LPA: variants seen among roughly 807,000 people sequenced by gnomAD.
The protein encoded by LPA is lipoprotein(a).
In LPA, 199 loss-of-function variants were observed where a neutral mutation model predicts 197.9. That is an observed-to-expected ratio of 1.01 (90% confidence interval 0.90 to 1.13). The LOEUF (loss-of-function observed/expected upper bound fraction) is 1.13. LPA is among the 50% of genes most tolerant of loss of function. The pLI is 0.00. For missense variants in LPA, 1,853 were observed against 1,785.8 expected (o/e 1.04, Z -0.68); for synonymous variants, 715 against 639.5 (o/e 1.12, Z -1.78).
intron 35 of LPA, 22 bp from the exon 36 acceptor site, chr6:160,540,205 A>G (rs769499531): frequency 1.2e-6 from 2 of 1,614,014 alleles, no homozygotes; most frequent in Non-Finnish European, 1.7e-6. Flanking sequence ...GAGGATGTCA[A>G]GAGAAAAATA....
intron 31 of LPA, among the ~76,000 whole-genome samples, chr6:160,548,242 G>T (rs1208038561): frequency 1.3e-5 from 2 of 152,134 alleles, no homozygotes; most frequent in East Asian, 1.9e-4. Context: ...CACCCTGGAG[G>T]TTTTGCGCCA....
intron 27 of LPA, 23 bp downstream of exon 27, chr6:160,578,500 A>C: frequency 6.2e-7 from 1 of 1,613,424 alleles, no homozygotes; most frequent in Non-Finnish European, 8.5e-7. Flanking sequence ...CAGTATATAG[A>C]TGTCTAACCA....
At chr6:160,546,210 G>A (rs2115002351) in intron 32 of LPA, among the ~76,000 whole-genome samples, 1 of 152,278 alleles carries the variant, frequency 6.6e-6, no homozygotes, top group East Asian at 1.9e-4. Flanking sequence ...CCAACCTCCA[G>A]GGAGGGAAGA....
intron 26 of LPA, 31 bp downstream of exon 26, chr6:160,585,015 G>C (rs746216921): frequency 3.7e-6 from 6 of 1,611,564 alleles, no homozygotes; most frequent in Non-Finnish European, 5.1e-6. Flanking sequence ...GTTGACTATT[G>C]TTCCTTTTAT....
At chr6:160,599,301 C>G (rs1485086052) in intron 20 of LPA, among the ~76,000 whole-genome samples, 199 bp downstream of exon 20, 2 of 152,120 alleles carry the variant, frequency 1.3e-5, no homozygotes, top group Admixed American at 1.3e-4. Context: ...CGAGATCATG[C>G]CACTGCACTC....
At chr6:160,634,347 C>A (rs1181342557) in intron 7 of LPA, among the ~76,000 whole-genome samples, 3 of 100,114 alleles carry the variant, frequency 3.0e-5, no homozygotes, top group Non-Finnish European at 6.1e-5. Context: ...TCATGAAAGC[C>A]AAGGCCTCTG....
intron 7 of LPA, 115 bp from the exon 8 acceptor site, chr6:160,634,027 C>CA: frequency 2.7e-6 from 4 of 1,466,358 alleles, no homozygotes; most frequent in African/African-American, 1.5e-5. Context: ...TTATCTTTCC[C>CA]TTACCTGTAG....
In LPA at chr6:160,537,179, C is replaced by T. The variant is rs1002470872; in HGVS notation, c.5842+676G>A. ...GGATATAATTATTGTCAGGGCATAC[C>T]GCAAAGAGAAGAAGGAATCCATAAA... On this transcript the variant is annotated intron_variant, in intron 37 of 38. Transcript: ENST00000316300. Among the ~76,000 whole-genome samples the T allele has an allele frequency of 5.3e-5, 8 of 152,182 alleles. No homozygotes were observed. The South Asian group carries it at 8.3e-4, about 16-fold the overall frequency.
intron 32 of LPA, among the ~76,000 whole-genome samples, chr6:160,546,041 C>G (rs1262674141): frequency 6.6e-6 from 1 of 152,142 alleles, no homozygotes; most frequent in Non-Finnish European, 1.5e-5. Context: ...GTCTCTGCCC[C>G]CCAGTTCTTA....
At chr6:160,574,879 C>T (rs1177905367) in intron 28 of LPA, among the ~76,000 whole-genome samples, 3 of 152,172 alleles carry the variant, frequency 2.0e-5, no homozygotes, top group Non-Finnish European at 4.4e-5. Flanking sequence ...CCTCTGCATG[C>T]TGCTCTGTCC....
chr6:160,647,894 A>G (rs773546341), intron 2 of LPA, among the ~76,000 whole-genome samples: 17 of 152,314 alleles, frequency 1.1e-4, no homozygotes, highest in Admixed American at 4.6e-4. Flanking sequence ...TTTCATCTAC[A>G]TTTGCCAATT....
chr6:160,543,982 T>C (rs779979736), intron 33 of LPA, among the ~76,000 whole-genome samples: 19 of 152,160 alleles, frequency 1.2e-4, no homozygotes, highest in Non-Finnish European at 2.5e-4. Flanking sequence ...TACATCAAAG[T>C]AAGGTGGGGA....
chr6:160,594,269 A>G (rs41271036), intron 21 of LPA, 152 bp from the exon 22 acceptor site: 11,873 of 887,370 alleles, frequency 0.013, 136 homozygotes, highest in South Asian at 0.018. Flanking sequence ...CAATAATAAA[A>G]CCCAAAGATT....
intron 28 of LPA, among the ~76,000 whole-genome samples, chr6:160,575,880 T>A (rs1230201899): frequency 6.6e-6 from 1 of 152,160 alleles, no homozygotes; most frequent in Admixed American, 6.5e-5. Context: ...TAGCTCTTTA[T>A]CTCCACAAAT....
intron 30 of LPA, among the ~76,000 whole-genome samples, chr6:160,555,455 A>ATATATATATATATATATATATATATATG (rs1287454419): frequency 7.5e-6 from 1 of 133,082 alleles, no homozygotes. Context: ...ATATATATAT[A>ATATATATATATATATATATATATATATG]TGTGTGTGTA....
At chr6:160,552,405 C>A (rs1303407346) in intron 30 of LPA, among the ~76,000 whole-genome samples, 1 of 152,046 alleles carries the variant, frequency 6.6e-6, no homozygotes, top group East Asian at 1.9e-4. Context: ...TCTTTTAATT[C>A]TTTCCTCAAC....
At chr6:160,655,068 A>T (rs146545288) in intron 1 of LPA, among the ~76,000 whole-genome samples, 83 of 152,238 alleles carry the variant, frequency 5.5e-4, no homozygotes, top group African/African-American at 2.0e-3. Flanking sequence ...TCACATACAC[A>T]CCACTTCAAT....
At chr6:160,610,278 G>A (rs1042811780) in intron 16 of LPA, among the ~76,000 whole-genome samples, 2 of 152,110 alleles carry the variant, frequency 1.3e-5, no homozygotes, top group South Asian at 2.1e-4. Context: ...CCTCTCACAG[G>A]CACTTCATTG....
At chr6:160,610,961 C>A (rs936045842) in intron 16 of LPA, among the ~76,000 whole-genome samples, 14 of 152,124 alleles carry the variant, frequency 9.2e-5, no homozygotes, top group Non-Finnish European at 2.1e-4. Context: ...GGCTTCTATC[C>A]ATCTACCCAT....
Sources: allele counts gnomAD v4.1 joint callset (sites outside exome capture counted in the v4.1 genomes callset), GRCh38; gene constraint gnomAD v4.1.1; transcripts MANE v1.5; gene names NCBI Gene and HGNC (gene_info 2026-07-23, HGNC 2026-07-21).